The following RBFOX1 variants were observed in gnomAD, a reference collection of about 807,000 sequenced individuals.
The protein encoded by RBFOX1 is RNA binding fox-1 homolog 1.
Under a neutral mutation model 57.7 loss-of-function variants are expected in RBFOX1, and 8 were observed. The ratio of observed to expected loss-of-function variants is 0.14; its 90% confidence interval spans 0.08 to 0.25. RBFOX1 has a LOEUF of 0.25. Among genes scored for constraint, RBFOX1 ranks in the 10% least tolerant of loss-of-function variants. RBFOX1 has a pLI of 1.00. For missense variants in RBFOX1, 611 were observed against 548.5 expected (o/e 1.11, Z -1.14); for synonymous variants, 326 against 222.4 (o/e 1.47, Z -4.15).
intron 3 of RBFOX1, among the ~76,000 whole-genome samples, chr16:7,004,332 A>G (rs746260940): frequency 1.3e-5 from 2 of 152,158 alleles, no homozygotes; most frequent in Non-Finnish European, 2.9e-5. Context: ...TTGTGTATTA[A>G]ACTCCTCAAC....
intron 1 of RBFOX1, among the ~76,000 whole-genome samples, chr16:6,248,320 A>G (rs1445995287): frequency 6.6e-6 from 1 of 152,178 alleles, no homozygotes; most frequent in Non-Finnish European, 1.5e-5. Flanking sequence ...TTGCTTTTGG[A>G]TAATGGGCAT....
At chr16:5,814,858 A>G (rs905560103) in intron 3 of RBFOX1, among the ~76,000 whole-genome samples, 1 of 152,142 alleles carries the variant, frequency 6.6e-6, no homozygotes, top group Non-Finnish European at 1.5e-5. Context: ...GAACCTGGGA[A>G]GCGGAGCTTG....
intron 2 of RBFOX1, among the ~76,000 whole-genome samples, chr16:5,595,023 C>G (rs1343869799): frequency 6.7e-6 from 1 of 150,218 alleles, no homozygotes; most frequent in African/African-American, 2.5e-5. Flanking sequence ...GTGGGCACCT[C>G]CAATCCCAGC....
At chr16:7,621,317 G>C (rs1415410492) in intron 10 of RBFOX1, among the ~76,000 whole-genome samples, 1 of 151,916 alleles carries the variant, frequency 6.6e-6, no homozygotes, top group Non-Finnish European at 1.5e-5. Context: ...CTGGAGTGCA[G>C]TGGTGCAAGC....
At chr16:5,936,803 C>G (rs1294771392) in intron 4 of RBFOX1, among the ~76,000 whole-genome samples, 1 of 152,154 alleles carries the variant, frequency 6.6e-6, no homozygotes, top group Non-Finnish European at 1.5e-5. Flanking sequence ...AGAGACAGCA[C>G]ATGCCAAGAC....
intron 4 of RBFOX1, among the ~76,000 whole-genome samples, chr16:7,231,259 G>A (rs1382441599): frequency 6.6e-6 from 1 of 152,274 alleles, no homozygotes; most frequent in Non-Finnish European, 1.5e-5. Flanking sequence ...AAAGAAATAA[G>A]GGAGGGCTTG....
chr16:6,780,418 A>ATTTATATATATG lies in RBFOX1; in HGVS notation c.-16+125779_-16+125780insGTTTATATATAT, dbSNP rs1186438435. ...TATATTTTTATATATATTTATATAT[A>ATTTATATATATG]TTTATATATATTTATAGATATATTT... On this transcript the variant is annotated intron_variant, in intron 3 of 15. Coordinates refer to ENST00000550418, the MANE Select transcript of RBFOX1 (RefSeq NM_018723.4). 2.6e-5 allele frequency among the ~76,000 whole-genome samples: 3 copies of ATTTATATATATG among 115,704 alleles called. No individual in the cohort carries two copies. The Admixed American group carries it at 3.5e-4, about 13-fold the overall frequency. 75.9% of individuals were successfully genotyped at this position (115,704 alleles called of 152,430 possible). A position where few individuals can be genotyped will look rare whatever the true frequency, so the allele number is the denominator to read the frequency against.
chr16:5,407,429 C>T (rs989126197), intron 1 of RBFOX1, among the ~76,000 whole-genome samples: 3 of 152,080 alleles, frequency 2.0e-5, no homozygotes, highest in Non-Finnish European at 4.4e-5. Context: ...AGCAGAGGCC[C>T]TGTGCTGGGA....
intron 14 of RBFOX1, among the ~76,000 whole-genome samples, chr16:7,677,649 C>T (rs893924449): frequency 6.6e-6 from 1 of 152,190 alleles, no homozygotes; most frequent in African/African-American, 2.4e-5. Context: ...TTGAATGCAA[C>T]TCCTTGGCTC....
At chr16:7,140,892 C>T (rs1284245767) in intron 4 of RBFOX1, among the ~76,000 whole-genome samples, 3 of 152,140 alleles carry the variant, frequency 2.0e-5, no homozygotes, top group Non-Finnish European at 4.4e-5. Context: ...TTCCATTAGG[C>T]GTTGGCATCT....
intron 3 of RBFOX1, among the ~76,000 whole-genome samples, chr16:6,912,874 C>A (rs150507826): frequency 6.6e-6 from 1 of 152,268 alleles, no homozygotes; most frequent in East Asian, 1.9e-4. Context: ...CTTGCCTTGA[C>A]CTCCCAAAGT....
intron 4 of RBFOX1, among the ~76,000 whole-genome samples, chr16:7,229,732 G>T (rs1391877349): frequency 1.5e-5 from 2 of 129,070 alleles, no homozygotes; most frequent in Non-Finnish European, 3.4e-5. Flanking sequence ...AAGCAAGGGA[G>T]GGAGGGGGAA....
At chr16:7,438,994 A>T (rs1295950060) in intron 4 of RBFOX1, among the ~76,000 whole-genome samples, 2 of 152,198 alleles carry the variant, frequency 1.3e-5, no homozygotes, top group Non-Finnish European at 2.9e-5. Flanking sequence ...ATCTTTAATG[A>T]GGGCAGGTCG....
chr16:6,272,324 A>G (rs1010416776), intron 1 of RBFOX1, among the ~76,000 whole-genome samples: 7 of 152,218 alleles, frequency 4.6e-5, no homozygotes, highest in Admixed American at 3.9e-4. Flanking sequence ...CCAAACACCT[A>G]CAGCTGACAT....
chr16:6,246,273 A>G (rs1053264690), intron 1 of RBFOX1, among the ~76,000 whole-genome samples: 8 of 152,136 alleles, frequency 5.3e-5, no homozygotes, highest in African/African-American at 9.7e-5. Context: ...TCTCTTGCCA[A>G]TATCTACTTG....
Position 7,080,037 on chromosome 16 carries a change from TAG to T in RBFOX1, c.27+27941_27+27942del, listed in dbSNP as rs1454450014. 5.3e-5 allele frequency among the ~76,000 whole-genome samples: 4 copies of T among 75,118 alleles called. No homozygotes were observed. In the Admixed American group the frequency reaches 5.8e-4, roughly 11 times the overall value. 49.3% of individuals were successfully genotyped at this position (75,118 alleles called of 152,430 possible). ...ACATATATATACGTATATATGTATA[TAG>T]ATGTATATATATATACATATTATAT... is the stretch of plus-strand genomic sequence containing the variant. On this transcript the variant is annotated intron_variant, in intron 4 of 15. Transcript: ENST00000550418.
chr16:5,770,068 C>T (rs749052353), intron 3 of RBFOX1, among the ~76,000 whole-genome samples: 1 of 152,150 alleles, frequency 6.6e-6, no homozygotes, highest in Non-Finnish European at 1.5e-5. Context: ...ATGAATGTGG[C>T]TCTAGCCAGA....
intron 4 of RBFOX1, among the ~76,000 whole-genome samples, chr16:5,934,514 A>G (rs2059129808): frequency 6.6e-6 from 1 of 152,240 alleles, no homozygotes; most frequent in South Asian, 2.1e-4. Context: ...ATCCTGGCCT[A>G]GTCCACGACT....
intron 4 of RBFOX1, among the ~76,000 whole-genome samples, chr16:7,233,397 A>C (rs1344270640): frequency 6.6e-6 from 1 of 152,128 alleles, no homozygotes; most frequent in Non-Finnish European, 1.5e-5. Flanking sequence ...ACCATTTGTA[A>C]TTTTAAACAT....
Sources: allele counts gnomAD v4.1 joint callset (sites outside exome capture counted in the v4.1 genomes callset), GRCh38; gene constraint gnomAD v4.1.1; transcripts MANE v1.5; gene names NCBI Gene and HGNC (gene_info 2026-07-23, HGNC 2026-07-21).